The following NPHP4 variants were observed in gnomAD, a reference collection of about 807,000 sequenced individuals.
NPHP4 encodes nephrocystin-4.
NPHP4 carries 151 observed loss-of-function variants against 155.8 expected under a neutral mutation model. The observed-to-expected ratio is 0.97, with a 90% CI of 0.85 to 1.11. The LOEUF is 1.11. Ranked by LOEUF, NPHP4 falls within the 50% of genes least tolerant of loss-of-function variation. The pLI, the probability that NPHP4 is intolerant of heterozygous loss-of-function variation, is 0.00. For missense variants in NPHP4, 1,956 were observed against 1,925.7 expected (o/e 1.02, Z -0.29); for synonymous variants, 845 against 816.8 (o/e 1.03, Z -0.59).
rs1020989761 is a variant in NPHP4, at chr1:5,943,838, C to T, written c.1119+3266G>A. Reference sequence around the variant, plus strand: ...TCACAGTGACACTCCAGAGCCCTGTCTTTTGGAGAGACATGGTGAGCCATC... The same window carrying T: ...TCACAGTGACACTCCAGAGCCCTGTTTTTTGGAGAGACATGGTGAGCCATC... On this transcript the variant is annotated intron_variant, in intron 9 of 29. Transcript: ENST00000378156. Among the ~76,000 whole-genome samples, 3 of 152,142 alleles carry T rather than the reference C, an allele frequency of 2.0e-5. No homozygotes were observed. The South Asian group carries it at 6.2e-4, about 32-fold the overall frequency.
rs574832608 is a variant in NPHP4, at chr1:5,889,293, C to T, written c.2304+1575G>A. On this transcript the variant is annotated intron_variant, in intron 17 of 29. Transcript: ENST00000378156. The surrounding 1 kb of genome is among the most constrained non-coding windows in gnomAD (Gnocchi z 4.2). ...GAAAGTAAGTCCACCAAAGGCTAAC[C>T]GGAGCAACCTAACTCTCCCAGGATC... Among the ~76,000 whole-genome samples the T allele has an allele frequency of 6.6e-6, 1 of 152,320 alleles. No individual in the cohort carries two copies. Among genetic ancestry groups the T allele is most frequent in the East Asian group, 1.9e-4 (1 of 5,188 alleles).
At chr1:5,885,322 A>C (rs970992866) in intron 18 of NPHP4, among the ~76,000 whole-genome samples, 1 of 149,728 alleles carries the variant, frequency 6.7e-6, no homozygotes, top group Non-Finnish European at 1.5e-5. Context: ...TCTACAACCA[A>C]GATCACTGCC....
chr1:5,868,575 CAT>C (rs1213508092), intron 23 of NPHP4, among the ~76,000 whole-genome samples: 3 of 149,814 alleles, frequency 2.0e-5, no homozygotes, highest in Non-Finnish European at 1.5e-5. Flanking sequence ...CACCCATACA[CAT>C]ACACATACAT....
At chr1:5,949,318 A>C (rs537013888) in intron 7 of NPHP4, among the ~76,000 whole-genome samples, 22 of 148,826 alleles carry the variant, frequency 1.5e-4, no homozygotes, top group African/African-American at 5.5e-4. Context: ...GTAGGGAGCA[A>C]ACAAGTCCAG....
intron 23 of NPHP4, among the ~76,000 whole-genome samples, chr1:5,871,070 G>A (rs1641952102): frequency 1.3e-5 from 2 of 152,234 alleles, no homozygotes; most frequent in Non-Finnish European, 2.9e-5. Flanking sequence ...GTGTCATGGA[G>A]TAAAGGGCAT....
At position 5,867,827 on chromosome 1, in the gene NPHP4, C is replaced by T. The variant is rs372934556; in HGVS notation, c.3385G>A (p.Val1129Met). ...LCLTVELQPH[V>M]VDQVFRFYHP... is the part of the protein sequence containing the mutation. ...TAGAAGCGGAAGACCTGGTCCACCA[C>T]GTGGGGCTGCAGCTCCACAGTCAGG... The change falls in exon 24 of 30, where the codon GTG (valine) becomes ATG (methionine). Residue 1129 changes from valine (V) to methionine (M), a missense_variant. By Grantham distance (21) the Val-to-Met change is conservative. Transcript: ENST00000378156. The surrounding 1 kb of genome is among the most constrained non-coding windows in gnomAD (Gnocchi z 4.1). 72 of 1,613,662 alleles carry T rather than the reference C, an allele frequency of 4.5e-5. No individual in the cohort carries two copies. In the African/African-American group the frequency reaches 7.1e-4, roughly 16 times the overall value.
chr1:5,888,009 GT>G (rs752874504), intron 17 of NPHP4, among the ~76,000 whole-genome samples: 11 of 152,228 alleles, frequency 7.2e-5, no homozygotes, highest in Non-Finnish European at 1.5e-4. Context: ...TGCCTCCCCC[GT>G]TTCCCTGGGC....
intron 9 of NPHP4, among the ~76,000 whole-genome samples, chr1:5,939,668 G>A (rs1465457103): frequency 6.6e-6 from 1 of 152,240 alleles, no homozygotes; most frequent in African/African-American, 2.4e-5. Context: ...CCTTCCACAA[G>A]GCCTGGCTCC....
intron 16 of NPHP4, among the ~76,000 whole-genome samples, chr1:5,900,584 A>AG (rs921460177): frequency 1.4e-4 from 22 of 152,176 alleles, no homozygotes; most frequent in Non-Finnish European, 2.9e-4. Flanking sequence ...GGGGAGGTGT[A>AG]GGGCCATGAA....
Position 5,903,958 on chromosome 1 carries a change from C to CA in NPHP4, c.2143+658dup, listed in dbSNP as rs532120904. On this transcript the variant is annotated intron_variant, in intron 16 of 29. Coordinates refer to ENST00000378156, the MANE Select transcript of NPHP4 (RefSeq NM_015102.5). ...TGCTACAAAGAACTCTTGCCAAAAACAAAAAAAAGCATCTAATCATGCATC... is the reference window on the plus strand; with the variant it reads ...TGCTACAAAGAACTCTTGCCAAAAACAAAAAAAAAGCATCTAATCATGCATC... Among the ~76,000 whole-genome samples, 159 of 151,776 alleles carry CA rather than the reference C, an allele frequency of 1.0e-3. 2 individuals carry two copies. In the South Asian group the frequency reaches 0.011, roughly 11 times the overall value.
Position 5,867,739 on chromosome 1 carries a change from C to T in NPHP4, c.3472+1G>A, listed in dbSNP as rs1350581672. 1.2e-6 allele frequency: 2 copies of T among 1,609,034 alleles called. No homozygotes were observed. Among genetic ancestry groups the T allele is most frequent in the Non-Finnish European group, 1.7e-6 (2 of 1,179,778 alleles). On this transcript the variant is annotated splice_donor_variant, in intron 24 of 29. Transcript: ENST00000378156. LOFTEE classifies it high-confidence loss of function. The surrounding 1 kb of genome is among the most constrained non-coding windows in gnomAD (Gnocchi z 4.1). ...GGCTGCAGGGTCAGTGCAGGACCTG[C>T]CTGGAAATGTGTGCCAGGGCGGCAG...
chr1:5,865,291 C>G lies in NPHP4; in HGVS notation c.3645-18G>C. The G allele has an allele frequency of 6.6e-7, 1 of 1,522,216 alleles. No homozygotes were observed. The highest frequency in any genetic ancestry group is 8.9e-7 in the Non-Finnish European group (1 of 1,126,206). The allele number at this position is 1,522,216 out of a possible 1,614,324, so 94.3% of individuals were successfully genotyped here. A position where few individuals can be genotyped will look rare whatever the true frequency, so the allele number is the denominator to read the frequency against. ...AGCGATCCCTGCAGTGGGATGGGAG[C>G]CATCTGCACTTGTCCCGGAGGACTC... On this transcript the variant is annotated intron_variant, in intron 26 of 29. Transcript: ENST00000378156.
In NPHP4 at chr1:5,882,139, G is replaced by A. The variant is rs1048184634; in HGVS notation, c.2486-1900C>T. Reference sequence around the variant, plus strand: ...GCTGGCTGCCTCCTCCCACGCCCTAGGTGGCAACCAGAAAGGCCAGTGGTG... The same window carrying A: ...GCTGGCTGCCTCCTCCCACGCCCTAAGTGGCAACCAGAAAGGCCAGTGGTG... On this transcript the variant is annotated intron_variant, in intron 18 of 29. Transcript: ENST00000378156. The surrounding 1 kb of genome is among the most constrained non-coding windows in gnomAD (Gnocchi z 5.1). The A allele has an allele frequency of 2.6e-5, 4 of 152,284 alleles. No individual in the cohort carries two copies. Among genetic ancestry groups the A allele is most frequent in the Non-Finnish European group, 5.9e-5 (4 of 68,100 alleles). The allele number at this position is 152,284 out of a possible 1,614,324, so 9.4% of individuals were successfully genotyped here.
At chr1:5,912,893 G>A (rs1473083158) in intron 11 of NPHP4, among the ~76,000 whole-genome samples, 1 of 152,142 alleles carries the variant, frequency 6.6e-6, no homozygotes, top group Non-Finnish European at 1.5e-5. Context: ...TCAGCGTCTG[G>A]CTGAGCCACC....
chr1:5,881,022 G>A (rs946551566), intron 18 of NPHP4: 1 of 152,232 alleles, frequency 6.6e-6, no homozygotes, highest in African/African-American at 2.4e-5. Context: ...CTCGGGCCTG[G>A]GATGTCCTCA....
At chr1:5,938,340 C>A (rs902746320) in intron 9 of NPHP4, among the ~76,000 whole-genome samples, 20 of 152,338 alleles carry the variant, frequency 1.3e-4, no homozygotes, top group African/African-American at 4.6e-4. Flanking sequence ...GCCAGGCTGG[C>A]GTTGGTGCCT....
intron 16 of NPHP4, among the ~76,000 whole-genome samples, chr1:5,900,467 A>G (rs1193356660): frequency 1.3e-5 from 2 of 152,182 alleles, no homozygotes; most frequent in African/African-American, 2.4e-5. Context: ...GAAAAGCTAC[A>G]TACTACATAA....
intron 1 of NPHP4, among the ~76,000 whole-genome samples, chr1:5,989,211 C>T (rs575640007): frequency 6.6e-6 from 1 of 152,316 alleles, no homozygotes; most frequent in Admixed American, 6.5e-5. Context: ...GCCCCAGGAG[C>T]CACCACAGGG....
chr1:5,877,366 G>C (rs1248700013), intron 19 of NPHP4, 68 bp from the exon 20 acceptor site: 5 of 1,384,768 alleles, frequency 3.6e-6, no homozygotes, highest in African/African-American at 2.8e-5. Context: ...AGACACCAGG[G>C]CAGGCCTCCC....
Sources: gnomAD v4.1 joint callset for allele counts (sites outside exome capture counted in the v4.1 genomes callset) on GRCh38, gnomAD v4.1.1 for gene constraint, Gnocchi (gnomAD v3.1) non-coding constraint, MANE v1.5 for transcripts, NCBI Gene and HGNC (gene_info 2026-07-23, HGNC 2026-07-21) for gene names.